The following CFAP74 variants were observed in gnomAD, a reference collection of about 807,000 sequenced individuals.
CFAP74 encodes cilia and flagella associated protein 74, also known as cilia- and flagella-associated protein 74.
Under a neutral mutation model 188.9 loss-of-function variants are expected in CFAP74, and 124 were observed. The ratio of observed to expected loss-of-function variants is 0.66; its 90% CI spans 0.57 to 0.76. CFAP74 has a LOEUF of 0.76. Among genes scored for constraint, CFAP74 ranks in the 30% least tolerant of loss-of-function variants. The pLI is 0.00. For synonymous variants in CFAP74, 956 were observed against 916.7 expected, an observed-to-expected ratio of 1.04 and a Z score of -0.77; for missense variants, 2,198 against 2,165.2, an observed-to-expected ratio of 1.02 and a Z score of -0.30.
Position 1,960,148 on chromosome 1 carries a change from C to T in CFAP74, c.1695-118G>A, listed in dbSNP as rs375156344. 121 of 826,724 alleles carry T rather than the reference C, an allele frequency of 1.5e-4. No homozygotes were observed. The East Asian group carries it at 1.7e-3, about 12-fold the overall frequency. The allele number at this position is 826,724 out of a possible 1,614,324, so 51.2% of individuals were successfully genotyped here. ...GGCCTCCTCCCCATCCCGGGCCTGG[C>T]CCCCTGCCCAGCCGCCTTCACCCCG... On this transcript the variant is annotated intron_variant, in intron 14 of 38. Transcript: ENST00000682832.
At position 1,924,375 on chromosome 1, in the gene CFAP74, C is replaced by A. The variant is rs1179287176; in HGVS notation, c.4234+16G>T. The A allele has an allele frequency of 5.2e-6, 2 of 382,090 alleles. No individual in the cohort carries two copies. The highest frequency in any genetic ancestry group is 4.4e-5 in the South Asian group (2 of 45,956). 23.7% of individuals were successfully genotyped at this position (382,090 alleles called of 1,614,324 possible). On this transcript the variant is annotated intron_variant, in intron 34 of 38. Coordinates refer to ENST00000682832, the MANE Select transcript of CFAP74 (RefSeq NM_001304360.2). ...CACCCCCGCAGCTCACCACCCACCC[C>A]CCACCCCCCGCTCACCGACCACCTC...
chr1:1,958,918 C>A (rs1389293796), intron 16 of CFAP74, among the ~76,000 whole-genome samples: 1 of 152,130 alleles, frequency 6.6e-6, no homozygotes, highest in Admixed American at 6.5e-5. Flanking sequence ...TCCGAGTGCC[C>A]CACGTTCGAG....
Position 1,968,752 on chromosome 1 carries a change from CCT to C in CFAP74, c.1126_1127del (p.Arg376GlufsTer25). The C allele has an allele frequency of 6.2e-7, 1 of 1,613,888 alleles. No homozygotes were observed. Among genetic ancestry groups the C allele is most frequent in the Non-Finnish European group, 8.5e-7 (1 of 1,179,772 alleles). On this transcript the variant is annotated frameshift_variant, in exon 11 of 39. Coordinates refer to ENST00000682832, the MANE Select transcript of CFAP74 (RefSeq NM_001304360.2). LOFTEE classifies it high-confidence loss of function. This position sits in a 1 kb window ranked among gnomAD's most constrained non-coding sequence, Gnocchi z 4.3. Reference sequence around the variant, plus strand: ...CACTGGTGGGGGGATGCTGTTTCTTCCTCTTTTCCTCCTCAGCCTCCTCTTTC... The same window carrying C: ...CACTGGTGGGGGGATGCTGTTTCTTCCTTTTCCTCCTCAGCCTCCTCTTTC... Reference protein sequence around the residue: ...ILKEEAEEEKRKKQHPPTSAR... With the variant: ...ILKEEAEEEKXKKQHPPTSAR...
chr1:1,922,667 A>C lies in CFAP74; in HGVS notation c.4740T>G (p.Ile1580Met). 12 of 1,602,602 alleles carry C rather than the reference A, an allele frequency of 7.5e-6. No individual in the cohort carries two copies. The highest frequency in any genetic ancestry group is 9.4e-6 in the Non-Finnish European group (11 of 1,173,726). ...GCTCCACGGAGCCCCTGGAGGGCTC[A>C]ATAGAGAAACCCTTGTGCTGCAGGG... ...VASLQHKGFS[I>M]EPSRGSVERG... The change falls in exon 38 of 39, where the codon ATT (isoleucine) becomes ATG (methionine). Residue 1580 changes from isoleucine to methionine, a missense_variant. Coordinates refer to ENST00000682832, the MANE Select transcript of CFAP74 (RefSeq NM_001304360.2).
chr1:1,967,997 TGAGTGAGC>T, intron 11 of CFAP74, among the ~76,000 whole-genome samples: 1 of 148,606 alleles, frequency 6.7e-6, no homozygotes, highest in South Asian at 2.1e-4. Context: ...AATGAGTGAA[TGAGTGAGC>T]GAATGAGTGA....
intron 14 of CFAP74, among the ~76,000 whole-genome samples, chr1:1,962,251 G>A (rs529097039): frequency 7.9e-5 from 12 of 151,920 alleles, no homozygotes; most frequent in South Asian, 2.1e-4. Context: ...GGTGGGCCTC[G>A]GATCACCTGA....
At chr1:1,937,198 G>T (rs1652960607) in intron 25 of CFAP74, among the ~76,000 whole-genome samples, 1 of 152,256 alleles carries the variant, frequency 6.6e-6, no homozygotes, top group Non-Finnish European at 1.5e-5. Flanking sequence ...GGCACCAAAG[G>T]CGGCTGAGGG....
chr1:1,944,050 C>G (rs367583237), intron 21 of CFAP74, among the ~76,000 whole-genome samples: 17 of 152,330 alleles, frequency 1.1e-4, no homozygotes, highest in East Asian at 7.7e-4. Flanking sequence ...GATCACCCCC[C>G]ACCAAGGTCC....
Position 1,960,019 on chromosome 1 carries a change from G to T in CFAP74, c.1706C>A (p.Pro569His). Residue 569 changes from proline (P) to histidine (H), a missense_variant, in exon 15 of 39, where the codon CCT becomes CAT. Pro to His is a moderately conservative substitution (Grantham distance 77). Coordinates refer to ENST00000682832, the MANE Select transcript of CFAP74 (RefSeq NM_001304360.2). ...RDFIHVDFDP[P>H]GPLSAGMSCE... Reference sequence around the variant, plus strand: ...GGACATTCCGGCTGACAGGGGGCCAGGGGGGTCAAAGCTGCAGGACGTGAC... The same window carrying T: ...GGACATTCCGGCTGACAGGGGGCCATGGGGGTCAAAGCTGCAGGACGTGAC... 2 of 1,590,792 alleles carry T rather than the reference G, an allele frequency of 1.3e-6. No homozygotes were observed. Among genetic ancestry groups the T allele is most frequent in the Non-Finnish European group, 1.7e-6 (2 of 1,170,890 alleles).
chr1:1,971,338 CA>C, intron 9 of CFAP74, among the ~76,000 whole-genome samples: 2 of 151,766 alleles, frequency 1.3e-5, no homozygotes, highest in Non-Finnish European at 2.9e-5. Context: ...CACCTGCACA[CA>C]CGTGCACACA....
intron 25 of CFAP74, among the ~76,000 whole-genome samples, chr1:1,932,477 C>T (rs573443472): frequency 6.6e-6 from 1 of 151,986 alleles, no homozygotes; most frequent in Admixed American, 6.5e-5. Context: ...TCAAGTGATC[C>T]TCCTGTTTCA....
At chr1:1,927,275 G>C (rs1001615533) in intron 28 of CFAP74, 22 of 590,384 alleles carry the variant, frequency 3.7e-5, no homozygotes, top group Non-Finnish European at 6.3e-5. Flanking sequence ...TTTGGCCCCT[G>C]GCTAGAGAGC....
At chr1:1,926,533 T>TCAGGCCCCAGCCC (rs772996281) in intron 30 of CFAP74, 21 bp from the exon 31 acceptor site, 21 of 1,549,638 alleles carry the variant, frequency 1.4e-5, no homozygotes, top group Non-Finnish European at 6.1e-6. Flanking sequence ...GCAGGGAGCG[T>TCAGGCCCCAGCCC]CAGGCCCCAG....
At chr1:1,982,004 CAG>C (rs2102096193) in intron 6 of CFAP74, among the ~76,000 whole-genome samples, 1 of 147,604 alleles carries the variant, frequency 6.8e-6, no homozygotes, top group Non-Finnish European at 1.5e-5. Flanking sequence ...CAGCCGTGGA[CAG>C]ACACGGGGAC....
rs1653436835 is a variant in CFAP74, at chr1:1,942,299, C to T, written c.2487-143G>A. ...CCACCCACTCCAAGCCATGCACGTGCACCTCGACAATCGGAGTCCTCAAAG... is the reference window on the plus strand; with the variant it reads ...CCACCCACTCCAAGCCATGCACGTGTACCTCGACAATCGGAGTCCTCAAAG... On this transcript the variant is annotated intron_variant, in intron 21 of 38. Coordinates refer to ENST00000682832, the MANE Select transcript of CFAP74 (RefSeq NM_001304360.2). This position sits in a 1 kb window ranked among gnomAD's most constrained non-coding sequence, Gnocchi z 4.3. 2 of 735,014 alleles carry T rather than the reference C, an allele frequency of 2.7e-6. No homozygotes were observed. Among genetic ancestry groups the T allele is most frequent in the African/African-American group, 1.8e-5 (1 of 55,652 alleles). The allele number at this position is 735,014 out of a possible 1,614,324, so 45.5% of individuals were successfully genotyped here.
At chr1:1,931,623 G>T (rs2102035788) in intron 25 of CFAP74, among the ~76,000 whole-genome samples, 1 of 149,646 alleles carries the variant, frequency 6.7e-6, no homozygotes, top group East Asian at 2.0e-4. Context: ...TGTAGTCCCA[G>T]CTATTTGGGA....
Position 1,925,836 on chromosome 1 carries a change from C to T in CFAP74, c.4051G>A (p.Val1351Ile), listed in dbSNP as rs201764531. ...GCAATCACATAGCCCATGTTGAGGA[C>T]GCTGCCTTCAATGGAGCACGTGATC... is the stretch of plus-strand genomic sequence containing the variant. ...SMITCSIEGSVLNMGYVIAGE... is the reference protein window; with the variant it reads ...SMITCSIEGSILNMGYVIAGE... Residue 1351 changes from valine (V) to isoleucine (I), a missense_variant, in exon 33 of 39, where the codon GTC becomes ATC. Coordinates refer to ENST00000682832, the MANE Select transcript of CFAP74 (RefSeq NM_001304360.2). 68 of 1,612,598 alleles carry T rather than the reference C, an allele frequency of 4.2e-5. No individual in the cohort carries two copies. Among genetic ancestry groups the T allele is most frequent in the Middle Eastern group, 1.6e-4 (1 of 6,080 alleles).
At chr1:1,960,066 G>C in intron 14 of CFAP74, 36 bp from the exon 15 acceptor site, 3 of 1,559,204 alleles carry the variant, frequency 1.9e-6, no homozygotes, top group Non-Finnish European at 2.6e-6. Context: ...GGGGGTTAGT[G>C]CTGCGGAGGG....
chr1:1,924,492 T>C lies in CFAP74; in HGVS notation c.4133A>G (p.Lys1378Arg). ...KLQNNSLLPIKFSMHLDSLSS... is the reference protein window; with the variant it reads ...KLQNNSLLPIRFSMHLDSLSS... Reference sequence around the variant, plus strand: ...GAGGCTGTCCAGGTGCATGGAGAACTTGATGGGGAGCAGAGAGTTGTTCTG... The same window carrying C: ...GAGGCTGTCCAGGTGCATGGAGAACCTGATGGGGAGCAGAGAGTTGTTCTG... The change falls in exon 34 of 39, where the codon AAG becomes AGG. Residue 1378 changes from lysine (K) to arginine (R), a missense_variant. Coordinates refer to ENST00000682832, the MANE Select transcript of CFAP74 (RefSeq NM_001304360.2). The C allele has an allele frequency of 6.2e-7, 1 of 1,600,936 alleles. No individual in the cohort carries two copies. Among genetic ancestry groups the C allele is most frequent in the Non-Finnish European group, 8.5e-7 (1 of 1,175,086 alleles).
Sources: allele counts gnomAD v4.1 joint callset (sites outside exome capture counted in the v4.1 genomes callset), GRCh38; gene constraint gnomAD v4.1.1; non-coding constraint Gnocchi (gnomAD v3.1); transcripts MANE v1.5; gene names NCBI Gene and HGNC (gene_info 2026-07-23, HGNC 2026-07-21).